The following AEBP2 variants were observed in gnomAD, a reference collection of about 807,000 sequenced individuals.
AEBP2 encodes the protein AE binding protein 2.
AEBP2 carries 10 observed loss-of-function variants against 50.8 expected under a neutral mutation model. The observed-to-expected ratio is 0.20, with a 90% CI of 0.12 to 0.33. The LOEUF is 0.33. Among genes scored for constraint, AEBP2 ranks in the 10% least tolerant of loss-of-function variants. The pLI, the probability that AEBP2 is intolerant of heterozygous loss-of-function variation, is 1.00. For synonymous variants in AEBP2, 296 were observed against 261.3 expected (o/e 1.13, Z -1.28); for missense variants, 570 against 688.0 (o/e 0.83, Z 1.92).
intron 1 of AEBP2, among the ~76,000 whole-genome samples, chr12:19,413,902 G>GTTT (rs113571276): frequency 9.8e-5 from 14 of 143,528 alleles, no homozygotes; most frequent in African/African-American, 3.6e-4. Context: ...TTTGTTTTTT[G>GTTT]TTTTTTTTTT....
chr12:19,411,713 C>T (rs2153363305), intron 1 of AEBP2, among the ~76,000 whole-genome samples: 1 of 152,296 alleles, frequency 6.6e-6, no homozygotes, highest in Non-Finnish European at 1.5e-5. Context: ...GGAACATCGC[C>T]CGAAGGAAAC....
At chr12:19,446,927 A>G (rs1401151218) in intron 1 of AEBP2, among the ~76,000 whole-genome samples, 1 of 150,494 alleles carries the variant, frequency 6.6e-6, no homozygotes, top group East Asian at 1.9e-4. Context: ...TCTCACAAAA[A>G]ACAAAAAAAC....
At chr12:19,508,862 T>A (rs1022299320) in intron 5 of AEBP2, 2 of 214,494 alleles carry the variant, frequency 9.3e-6, no homozygotes, top group African/African-American at 4.6e-5. Context: ...TTTCAAAGGC[T>A]TTCTTCTTCC....
At chr12:19,404,314 T>A (rs1262426601) in intron 1 of AEBP2, 3 of 152,192 alleles carry the variant, frequency 2.0e-5, no homozygotes, top group Non-Finnish European at 4.4e-5. Context: ...TCCCCATCAC[T>A]CACTAAATCA....
At chr12:19,495,198 C>T (rs1037410316) in intron 4 of AEBP2, among the ~76,000 whole-genome samples, 3 of 152,004 alleles carry the variant, frequency 2.0e-5, no homozygotes, top group South Asian at 2.1e-4. Flanking sequence ...CCACTGTGCT[C>T]GAGCAGCTGG....
chr12:19,512,672 T>C (rs1949251863), intron 6 of AEBP2, among the ~76,000 whole-genome samples: 1 of 119,812 alleles, frequency 8.3e-6, no homozygotes. Context: ...CCCCCCTCTT[T>C]TTTTTTTTGC....
chr12:19,513,673 A>G (rs951677969), intron 6 of AEBP2, among the ~76,000 whole-genome samples: 1 of 152,144 alleles, frequency 6.6e-6, no homozygotes, highest in Non-Finnish European at 1.5e-5. Flanking sequence ...TGAGGCGGGA[A>G]GATTGATTGA....
intron 1 of AEBP2, among the ~76,000 whole-genome samples, chr12:19,454,714 T>TA (rs1292393514): frequency 6.6e-6 from 1 of 151,768 alleles, no homozygotes; most frequent in Admixed American, 6.6e-5. Context: ...GCACATACAC[T>TA]AAAAAAAATA....
At chr12:19,432,617 C>G (rs1227886395) in intron 1 of AEBP2, among the ~76,000 whole-genome samples, 1 of 152,066 alleles carries the variant, frequency 6.6e-6, no homozygotes, top group Admixed American at 6.6e-5. Context: ...TGGCTTGAAT[C>G]CAGAAGGTTG....
chr12:19,462,750 G>A, intron 2 of AEBP2, 33 bp downstream of exon 2: 2 of 1,533,358 alleles, frequency 1.3e-6, no homozygotes, highest in Non-Finnish European at 1.8e-6. Context: ...TTCGCTCCCT[G>A]TTTTCGTTAG....
Position 19,518,230 on chromosome 12 carries a change from T to C in AEBP2, c.*113T>C. 1 of 1,387,912 alleles carries C rather than the reference T, an allele frequency of 7.2e-7. No individual in the cohort carries two copies. Among genetic ancestry groups the C allele is most frequent in the Non-Finnish European group, 9.3e-7 (1 of 1,073,678 alleles). 86.0% of individuals were successfully genotyped at this position (1,387,912 alleles called of 1,614,324 possible). A position where few individuals can be genotyped will look rare whatever the true frequency, so the allele number is the denominator to read the frequency against. On this transcript the variant is annotated 3_prime_UTR_variant, in exon 8 of 8. Coordinates refer to ENST00000266508, the MANE Select transcript of AEBP2 (RefSeq NM_153207.5). The stretch of plus-strand genomic sequence containing the variant: ...GAGTCAACCCCTTCTTTTTTTTTTT[T>C]TTTTTTTTAAATCCAGTATTTAGGA...
At chr12:19,481,313 G>C (rs1008969247) in intron 3 of AEBP2, among the ~76,000 whole-genome samples, 6 of 151,698 alleles carry the variant, frequency 4.0e-5, no homozygotes, top group Admixed American at 3.3e-4. Context: ...ATGTTGGCCA[G>C]GCTCGTCTTG....
chr12:19,482,991 C>T (rs1015781030), intron 3 of AEBP2, among the ~76,000 whole-genome samples: 1 of 152,124 alleles, frequency 6.6e-6, no homozygotes, highest in Non-Finnish European at 1.5e-5. Context: ...GAAAGCAAGG[C>T]CTTCAGACCT....
rs1949358223 is a variant in AEBP2 at position 19,518,840 on chromosome 12, C to T, written c.*723C>T. ...AGGACTAGGGCTTTCTCATGGAGTA[C>T]AGTATGTTAATATTTACCTATATAA... On this transcript the variant is annotated 3_prime_UTR_variant, in exon 8 of 8. Coordinates refer to ENST00000266508, the MANE Select transcript of AEBP2 (RefSeq NM_153207.5). 7.1e-6 allele frequency: 5 copies of T among 706,656 alleles called. No individual in the cohort carries two copies. The highest frequency in any genetic ancestry group is 1.1e-5 in the Non-Finnish European group (5 of 471,076). The allele number at this position is 706,656 out of a possible 1,614,324, so 43.8% of individuals were successfully genotyped here. A position where few individuals can be genotyped will look rare whatever the true frequency, so the allele number is the denominator to read the frequency against.
At chr12:19,500,365 T>C (rs1436124175) in intron 5 of AEBP2, 144 bp downstream of exon 5, 15 of 833,576 alleles carry the variant, frequency 1.8e-5, no homozygotes, top group Middle Eastern at 3.7e-4. Context: ...ATTTAAAACA[T>C]TGTATTATTG....
intron 3 of AEBP2, among the ~76,000 whole-genome samples, chr12:19,488,290 ATTTTTT>A (rs34804680): frequency 1.7e-5 from 2 of 118,418 alleles, no homozygotes; most frequent in Non-Finnish European, 3.5e-5. Flanking sequence ...TAATTTTTGT[ATTTTTT>A]TTTTTTTTTT....
At chr12:19,425,653 G>T (rs2153364809) in intron 1 of AEBP2, among the ~76,000 whole-genome samples, 1 of 151,576 alleles carries the variant, frequency 6.6e-6, no homozygotes, top group Middle Eastern at 3.4e-3. Context: ...CACCCCTGTA[G>T]TCCCAGCTAC....
chr12:19,422,500 ATT>A (rs34357838), intron 1 of AEBP2, among the ~76,000 whole-genome samples: 3,469 of 147,586 alleles, frequency 0.024, 47 homozygotes, highest in East Asian at 0.046. Flanking sequence ...CTAGAAATAC[ATT>A]TTTTTTTTTT....
chr12:19,438,473 AATCC>A (rs1285600961), upstream of AEBP2, among the ~76,000 whole-genome samples: 1 of 152,220 alleles, frequency 6.6e-6, no homozygotes, highest in Non-Finnish European at 1.5e-5. Context: ...TTCTCAAAAA[AATCC>A]ATCCACTGAA....
Sources: gnomAD v4.1 joint callset for allele counts (sites outside exome capture counted in the v4.1 genomes callset) on GRCh38, gnomAD v4.1.1 for gene constraint, MANE v1.5 for transcripts, NCBI Gene and HGNC (gene_info 2026-07-23, HGNC 2026-07-21) for gene names.